Variants in GALNT17 observed in about 807,000 individuals in gnomAD.
GALNT17 encodes polypeptide N-acetylgalactosaminyltransferase 17.
GALNT17 carries 29 observed loss-of-function variants against 63.7 expected under a neutral mutation model. The ratio of observed to expected loss-of-function variants is 0.46; its 90% CI spans 0.34 to 0.62. The LOEUF (loss-of-function observed/expected upper bound fraction) is 0.62. GALNT17 is among the 20% of genes least tolerant of loss of function. The pLI, the probability that GALNT17 is intolerant of heterozygous loss-of-function variation, is 0.01. For synonymous variants in GALNT17, 305 were observed against 318.3 expected, an observed-to-expected ratio of 0.96 and a Z score of 0.45; for missense variants, 603 against 799.6, an observed-to-expected ratio of 0.75 and a Z score of 2.97.
rs557282936 is a variant in GALNT17 at position 71,630,163 on chromosome 7, C to T, written c.1081-35248C>T. Among the ~76,000 whole-genome samples, 4 of 152,064 alleles carry T rather than the reference C, an allele frequency of 2.6e-5. No homozygotes were observed. In the East Asian group the frequency reaches 5.8e-4, roughly 22 times the overall value. ...ACTCAAGCAGTCCTCCCACCTTGGC[C>T]TCCCAAAGGGCTGGGATTATAGGTG... On this transcript the variant is annotated intron_variant, in intron 6 of 10. Coordinates refer to ENST00000333538, the MANE Select transcript of GALNT17 (RefSeq NM_022479.3).
intron 2 of GALNT17, among the ~76,000 whole-genome samples, chr7:71,358,079 C>A (rs1265042121): frequency 3.9e-5 from 6 of 152,220 alleles, no homozygotes; most frequent in Non-Finnish European, 7.3e-5. Context: ...TTTGGCTCTT[C>A]ACAATAAGTC....
At chr7:71,448,413 T>C (rs12155355) in intron 5 of GALNT17, among the ~76,000 whole-genome samples, 21,867 of 151,964 alleles carry the variant, frequency 0.14, 1,660 homozygotes, top group Middle Eastern at 0.21. Context: ...TGTTTTTGTT[T>C]GGGTGTTGAA....
chr7:71,699,662 A>C (rs1379937835), intron 9 of GALNT17, among the ~76,000 whole-genome samples: 1 of 152,180 alleles, frequency 6.6e-6, no homozygotes, highest in Admixed American at 6.5e-5. Context: ...GCCTGGACAC[A>C]GTGGCTCATG....
chr7:71,585,545 C>T (rs1022757605), intron 6 of GALNT17, among the ~76,000 whole-genome samples: 1 of 152,150 alleles, frequency 6.6e-6, no homozygotes, highest in Non-Finnish European at 1.5e-5. Flanking sequence ...TAAACATCTT[C>T]AGAATAATGA....
At position 71,403,375 on chromosome 7, in the gene GALNT17, G is replaced by A. The variant is rs908674366; in HGVS notation, c.590-12514G>A. ...TTTTTAGCCCAGATAATTGAGAAGT[G>A]TGGGAAGGTCAGGTGGTTTGGTATT... On this transcript the variant is annotated intron_variant, in intron 3 of 10. Coordinates refer to ENST00000333538, the MANE Select transcript of GALNT17 (RefSeq NM_022479.3). Among the ~76,000 whole-genome samples, 3 of 152,176 alleles carry A rather than the reference G, an allele frequency of 2.0e-5. No homozygotes were observed. The South Asian group carries it at 6.2e-4, about 32-fold the overall frequency.
At chr7:71,236,322 A>G (rs1789890529) in intron 1 of GALNT17, among the ~76,000 whole-genome samples, 2 of 152,110 alleles carry the variant, frequency 1.3e-5, no homozygotes, top group Admixed American at 1.3e-4. Context: ...CAATGGTGTA[A>G]AACTGAGCTC....
chr7:71,354,307 T>G (rs1210756474), intron 2 of GALNT17, among the ~76,000 whole-genome samples: 1 of 152,192 alleles, frequency 6.6e-6, no homozygotes, highest in Non-Finnish European at 1.5e-5. Flanking sequence ...TTTCCTGTCT[T>G]TGACAGAAGT....
intron 2 of GALNT17, among the ~76,000 whole-genome samples, chr7:71,353,529 A>G (rs1254414914): frequency 6.6e-6 from 1 of 152,184 alleles, no homozygotes; most frequent in Non-Finnish European, 1.5e-5. Context: ...TGACATTGAC[A>G]TTTTTGAAGA....
In GALNT17 at chr7:71,337,963, A is replaced by G. The variant is rs540829964; in HGVS notation, c.422+2230A>G. The stretch of plus-strand genomic sequence containing the variant: ...ATAATCCTAGCCCTTTGGGAAGCCA[A>G]TCGCTTTGGGCAGATCGCTTGAGCC... On this transcript the variant is annotated intron_variant, in intron 2 of 10. Coordinates refer to ENST00000333538, the MANE Select transcript of GALNT17 (RefSeq NM_022479.3). Among the ~76,000 whole-genome samples the G allele has an allele frequency of 6.6e-5, 10 of 152,234 alleles. No homozygotes were observed. In the East Asian group the frequency reaches 9.7e-4, roughly 15 times the overall value.
At chr7:71,515,604 C>T (rs1042828341) in intron 5 of GALNT17, among the ~76,000 whole-genome samples, 1 of 152,190 alleles carries the variant, frequency 6.6e-6, no homozygotes, top group Non-Finnish European at 1.5e-5. Context: ...GATACAGGCC[C>T]TCTTTAAATT....
chr7:71,322,469 T>C (rs1363605630), intron 1 of GALNT17, among the ~76,000 whole-genome samples: 1 of 152,168 alleles, frequency 6.6e-6, no homozygotes, highest in East Asian at 1.9e-4. Context: ...AAATGCTACA[T>C]GAGCAGTTCA....
intron 5 of GALNT17, among the ~76,000 whole-genome samples, chr7:71,488,483 G>A (rs1223161197): frequency 1.3e-5 from 2 of 152,030 alleles, no homozygotes; most frequent in East Asian, 3.9e-4. Flanking sequence ...TTTCTTAAAT[G>A]GGAATGGCAT....
chr7:71,170,035 C>A (rs2116280977), intron 1 of GALNT17, among the ~76,000 whole-genome samples: 1 of 151,920 alleles, frequency 6.6e-6, no homozygotes, highest in South Asian at 2.1e-4. Flanking sequence ...CTCCTGGGAT[C>A]AAGTGATCCT....
intron 9 of GALNT17, among the ~76,000 whole-genome samples, chr7:71,698,846 G>A (rs1415826548): frequency 6.6e-6 from 1 of 152,080 alleles, no homozygotes; most frequent in East Asian, 1.9e-4. Context: ...TAAAACTCCA[G>A]CTGTATTCCA....
intron 5 of GALNT17, among the ~76,000 whole-genome samples, chr7:71,442,717 C>G (rs948984101): frequency 6.6e-6 from 1 of 152,124 alleles, no homozygotes; most frequent in Non-Finnish European, 1.5e-5. Flanking sequence ...TACATCCTTA[C>G]AGCAGCAGAG....
At chr7:71,362,039 C>T (rs968094869) in intron 2 of GALNT17, among the ~76,000 whole-genome samples, 3 of 152,152 alleles carry the variant, frequency 2.0e-5, no homozygotes, top group African/African-American at 7.2e-5. Flanking sequence ...TCACTGCAAC[C>T]TCTGCCTCTT....
chr7:71,382,306 G>T (rs558262196), intron 2 of GALNT17, among the ~76,000 whole-genome samples: 1 of 152,134 alleles, frequency 6.6e-6, no homozygotes, highest in Non-Finnish European at 1.5e-5. Context: ...CTTGAACCCA[G>T]GGGGCGGAGG....
chr7:71,249,995 A>C (rs1790166762), intron 1 of GALNT17, among the ~76,000 whole-genome samples: 1 of 152,204 alleles, frequency 6.6e-6, no homozygotes, highest in African/African-American at 2.4e-5. Flanking sequence ...AAAGCCTAGA[A>C]AATCTGTTTC....
intron 1 of GALNT17, among the ~76,000 whole-genome samples, chr7:71,142,183 T>A (rs1314515519): frequency 6.6e-6 from 1 of 152,126 alleles, no homozygotes; most frequent in Non-Finnish European, 1.5e-5. Context: ...AGGAGATATT[T>A]CTTGAATGGA....
Sources: gnomAD v4.1 joint callset for allele counts (sites outside exome capture counted in the v4.1 genomes callset) on GRCh38, gnomAD v4.1.1 for gene constraint, MANE v1.5 for transcripts, NCBI Gene and HGNC (gene_info 2026-07-23, HGNC 2026-07-21) for gene names.